Variants in LRRTM4 observed in about 807,000 individuals in gnomAD.
The protein encoded by LRRTM4 is leucine-rich repeat transmembrane neuronal protein 4.
Under a neutral mutation model 47.6 loss-of-function variants are expected in LRRTM4, and 25 were observed. That is an observed-to-expected ratio of 0.53 (90% CI 0.38 to 0.73). The LOEUF (loss-of-function observed/expected upper bound fraction) is 0.73. Ranked by LOEUF, LRRTM4 falls within the 30% of genes least tolerant of loss-of-function variation. The probability of loss-of-function intolerance (pLI) is 0.00; values close to 1 mark genes in which losing one functional copy is unlikely to be tolerated. For synonymous variants in LRRTM4, 311 were observed against 269.5 expected (o/e 1.15, Z -1.51); for missense variants, 638 against 713.4 (o/e 0.89, Z 1.20).
chr2:77,374,596 G>A (rs1429823581), intron 3 of LRRTM4, among the ~76,000 whole-genome samples: 1 of 151,674 alleles, frequency 6.6e-6, no homozygotes, highest in Non-Finnish European at 1.5e-5. Flanking sequence ...TTGTATGAGT[G>A]TCAACCCACT....
chr2:77,223,430 C>T (rs899601374), intron 3 of LRRTM4, among the ~76,000 whole-genome samples: 1 of 152,254 alleles, frequency 6.6e-6, no homozygotes, highest in Non-Finnish European at 1.5e-5. Context: ...TCCCTGTTTG[C>T]AGATGACATG....
At chr2:77,457,582 C>A (rs1477893524) in intron 3 of LRRTM4, among the ~76,000 whole-genome samples, 1 of 150,944 alleles carries the variant, frequency 6.6e-6, no homozygotes, top group East Asian at 2.0e-4. Flanking sequence ...CAATAGTTAT[C>A]CACTGCCATT....
intron 3 of LRRTM4, among the ~76,000 whole-genome samples, chr2:76,830,469 A>G (rs1179526501): frequency 6.7e-6 from 1 of 150,298 alleles, no homozygotes; most frequent in Non-Finnish European, 1.5e-5. Context: ...ATCCCTGCCT[A>G]CCTTTTTGCT....
At chr2:76,908,293 A>AC (rs1451034538) in intron 3 of LRRTM4, among the ~76,000 whole-genome samples, 5 of 151,960 alleles carry the variant, frequency 3.3e-5, no homozygotes, top group Admixed American at 6.6e-5. Flanking sequence ...AAATTTAACA[A>AC]CCTTCATGCT....
intron 3 of LRRTM4, among the ~76,000 whole-genome samples, chr2:76,795,806 G>A (rs1197987606): frequency 6.6e-6 from 1 of 151,896 alleles, no homozygotes; most frequent in East Asian, 1.9e-4. Flanking sequence ...AAAAGTGAAG[G>A]GAGGAGCCAA....
At chr2:76,983,421 C>G (rs1168894306) in intron 3 of LRRTM4, among the ~76,000 whole-genome samples, 2 of 152,088 alleles carry the variant, frequency 1.3e-5, no homozygotes, top group East Asian at 3.9e-4. Context: ...CCATACTGTT[C>G]TCATGGTAGT....
intron 3 of LRRTM4, among the ~76,000 whole-genome samples, chr2:77,025,395 C>T (rs1471834423): frequency 6.6e-6 from 1 of 152,132 alleles, no homozygotes; most frequent in Non-Finnish European, 1.5e-5. Flanking sequence ...TGGAGGAGGT[C>T]TTGGGTATGC....
chr2:77,383,700 T>C (rs1326578982), intron 3 of LRRTM4, among the ~76,000 whole-genome samples: 1 of 152,062 alleles, frequency 6.6e-6, no homozygotes, highest in African/African-American at 2.4e-5. Context: ...TGAAAAAAAC[T>C]GAGACCCAGA....
At chr2:76,806,334 C>T (rs1432541562) in intron 3 of LRRTM4, among the ~76,000 whole-genome samples, 1 of 152,170 alleles carries the variant, frequency 6.6e-6, no homozygotes, top group African/African-American at 2.4e-5. Context: ...GTAATCTCAG[C>T]ACTTTGGGAG....
chr2:77,038,803 C>T (rs1301312794), intron 3 of LRRTM4, among the ~76,000 whole-genome samples: 1 of 151,400 alleles, frequency 6.6e-6, no homozygotes, highest in Admixed American at 6.6e-5. Flanking sequence ...TTTCTTCTTT[C>T]TTACACTACT....
At chr2:77,443,596 T>C (rs1573421934) in intron 3 of LRRTM4, among the ~76,000 whole-genome samples, 1 of 152,224 alleles carries the variant, frequency 6.6e-6, no homozygotes, top group African/African-American at 2.4e-5. Flanking sequence ...ACTATTATAA[T>C]TACTAGTATC....
chr2:77,187,531 G>T (rs959046767), intron 3 of LRRTM4, among the ~76,000 whole-genome samples: 2 of 151,458 alleles, frequency 1.3e-5, no homozygotes, highest in Non-Finnish European at 2.9e-5. Flanking sequence ...GCTAAATGAC[G>T]AGTTAATGGG....
rs145848656 is a variant in LRRTM4, at chr2:77,201,881, A to C, written c.1551+316437T>G. ...TTTCATAATGCTTCTTTTCACAGAC[A>C]CTACAGGGAAGGATGTCATCGATGC... On this transcript the variant is annotated intron_variant, in intron 3 of 3. Coordinates refer to ENST00000409884, the MANE Select transcript of LRRTM4 (RefSeq NM_001134745.3). Among the ~76,000 whole-genome samples the C allele has an allele frequency of 7.9e-5, 12 of 152,250 alleles. 1 individual carries two copies. The highest frequency in any genetic ancestry group is 2.9e-4 in the African/African-American group (12 of 41,576).
In LRRTM4 at chr2:77,153,633, G is replaced by A. The variant is rs140308859; in HGVS notation, c.1551+364685C>T. On this transcript the variant is annotated intron_variant, in intron 3 of 3. Transcript: ENST00000409884. ...GATATGTTTTTATATCACTTTTCAG[G>A]TAAAATATTCCTTAGAGCAAAAAGG... 7.5e-3 allele frequency among the ~76,000 whole-genome samples: 1,146 copies of A among 152,174 alleles called. 17 individuals are homozygous for A. Among genetic ancestry groups the A allele is most frequent in the African/African-American group, 0.027 (1,101 of 41,518 alleles).
At chr2:76,925,658 G>T (rs563595479) in intron 3 of LRRTM4, among the ~76,000 whole-genome samples, 3 of 152,198 alleles carry the variant, frequency 2.0e-5, no homozygotes, top group South Asian at 2.1e-4. Flanking sequence ...CTGTGTAAAA[G>T]TGTGCTACCT....
At position 77,305,074 on chromosome 2, in the gene LRRTM4, A is replaced by T. The variant is rs114681214; in HGVS notation, c.1551+213244T>A. On this transcript the variant is annotated intron_variant, in intron 3 of 3. Transcript: ENST00000409884. ...GAGAAAAAGAAACATTTTAATGCAC[A>T]TTAATCTCTGAGAATGTTGGACTAT... Among the ~76,000 whole-genome samples, 1,173 of 152,180 alleles carry T rather than the reference A, an allele frequency of 7.7e-3. 12 individuals carry two copies. Among genetic ancestry groups the T allele is most frequent in the African/African-American group, 0.027 (1,122 of 41,560 alleles).
chr2:76,966,011 G>A (rs188454755), intron 3 of LRRTM4, among the ~76,000 whole-genome samples: 3 of 151,524 alleles, frequency 2.0e-5, no homozygotes, highest in African/African-American at 7.2e-5. Flanking sequence ...CATCTACTCT[G>A]GTGGCAAGAG....
chr2:76,790,012 T>G (rs1025197152), intron 3 of LRRTM4, among the ~76,000 whole-genome samples: 1 of 152,222 alleles, frequency 6.6e-6, no homozygotes, highest in African/African-American at 2.4e-5. Flanking sequence ...ACAGTTCTAC[T>G]GTGGGAATTG....
intron 3 of LRRTM4, among the ~76,000 whole-genome samples, chr2:77,002,984 TTTGTC>T (rs143451130): frequency 0.027 from 4,146 of 151,140 alleles, 222 homozygotes; most frequent in African/African-American, 0.097. Flanking sequence ...AAGGAACTTA[TTTGTC>T]TTGTCAACAG....
Sources: gnomAD v4.1 joint callset for allele counts (sites outside exome capture counted in the v4.1 genomes callset) on GRCh38, gnomAD v4.1.1 for gene constraint, MANE v1.5 for transcripts, NCBI Gene and HGNC (gene_info 2026-07-23, HGNC 2026-07-21) for gene names.